FRMPD1: variants seen among roughly 807,000 people sequenced by gnomAD.
FRMPD1 encodes the protein FERM and PDZ domain-containing protein 1.
A neutral mutation model predicts 117.8 loss-of-function variants in FRMPD1; 76 were observed. The observed-to-expected ratio is 0.65, with a 90% confidence interval of 0.54 to 0.78. FRMPD1 has a LOEUF of 0.78. Among genes scored for constraint, FRMPD1 ranks in the 30% least tolerant of loss-of-function variants. The probability of loss-of-function intolerance (pLI) is 0.00; values close to 1 mark genes in which losing one functional copy is unlikely to be tolerated. For synonymous variants in FRMPD1, 783 were observed against 770.4 expected (o/e 1.02, Z -0.27); for missense variants, 1,786 against 1,964.5 (o/e 0.91, Z 1.72).
chr9:37,615,972 C>T, the FRMPD1 span, among the ~76,000 whole-genome samples: 2 of 151,822 alleles, frequency 1.3e-5, no homozygotes, highest in Non-Finnish European at 2.9e-5. Flanking sequence ...ACCATCATGC[C>T]CAGCTTGTTT....
At chr9:37,659,873 A>C (rs1383965218) in intron 1 of FRMPD1, among the ~76,000 whole-genome samples, 1 of 150,456 alleles carries the variant, frequency 6.6e-6, no homozygotes, top group Non-Finnish European at 1.5e-5. Context: ...TTTCTCCACA[A>C]AGAGAGTGCG....
At chr9:37,626,182 G>A in the FRMPD1 span, among the ~76,000 whole-genome samples, 1 of 152,160 alleles carries the variant, frequency 6.6e-6, no homozygotes, top group Non-Finnish European at 1.5e-5. Flanking sequence ...ACAGAAATTA[G>A]CTAGGCATGG....
At chr9:37,647,714 G>A (rs532858885), upstream of FRMPD1, among the ~76,000 whole-genome samples, 1 of 152,276 alleles carries the variant, frequency 6.6e-6, no homozygotes, top group East Asian at 1.9e-4. Context: ...TGTAATGGGT[G>A]TGCTGCGTGC....
In FRMPD1 at chr9:37,734,165, A is replaced by C. The variant is rs2118415493; in HGVS notation, c.1218+340A>C. ...AGGTAGCACTGCTTGCTTCAGGGTA[A>C]GTATAGGGAGGAGAAGGGGTTAAGG... On this transcript the variant is annotated intron_variant, in intron 12 of 15. Coordinates refer to ENST00000377765, the MANE Select transcript of FRMPD1 (RefSeq NM_014907.3). Among the ~76,000 whole-genome samples the C allele has an allele frequency of 1.3e-5, 2 of 152,258 alleles. 1 individual carries two copies. The highest frequency in any genetic ancestry group is 4.1e-4 in the South Asian group (2 of 4,828).
At chr9:37,645,235 T>A in the FRMPD1 span, among the ~76,000 whole-genome samples, 1 of 152,218 alleles carries the variant, frequency 6.6e-6, no homozygotes, top group African/African-American at 2.4e-5. Flanking sequence ...AGGAATGAGA[T>A]AAAAATTCAT....
At chr9:37,655,486 T>C (rs1271953184) in intron 1 of FRMPD1, among the ~76,000 whole-genome samples, 1 of 145,076 alleles carries the variant, frequency 6.9e-6, no homozygotes, top group Non-Finnish European at 1.5e-5. Flanking sequence ...CTCTGCACCA[T>C]GTCCCCACTC....
chr9:37,647,353 CA>C (rs894636750), upstream of FRMPD1, among the ~76,000 whole-genome samples: 19 of 150,138 alleles, frequency 1.3e-4, no homozygotes, highest in Admixed American at 9.3e-4. Context: ...ACTAAAAATA[CA>C]AAAAAAAATT....
At chr9:37,663,412 A>G (rs1475305266) in intron 1 of FRMPD1, among the ~76,000 whole-genome samples, 1 of 152,190 alleles carries the variant, frequency 6.6e-6, no homozygotes, top group Non-Finnish European at 1.5e-5. Context: ...TGAACTCAGC[A>G]TGGGAATTAG....
intron 1 of FRMPD1, among the ~76,000 whole-genome samples, chr9:37,666,995 A>G (rs1821179976): frequency 6.6e-6 from 1 of 150,564 alleles, no homozygotes; most frequent in African/African-American, 2.5e-5. Flanking sequence ...ATAGCTGTGT[A>G]TTAAAAAGTA....
the FRMPD1 span, among the ~76,000 whole-genome samples, chr9:37,610,456 G>A: frequency 3.4e-5 from 5 of 145,828 alleles, no homozygotes; most frequent in East Asian, 1.9e-4. Flanking sequence ...TTTTAGAGAC[G>A]GAGTCCCACT....
At chr9:37,646,775 T>C (rs1263534726), upstream of FRMPD1, among the ~76,000 whole-genome samples, 2 of 152,070 alleles carry the variant, frequency 1.3e-5, no homozygotes, top group Admixed American at 6.6e-5. Flanking sequence ...TTGGGAACAA[T>C]AGATATGAGG....
chr9:37,707,912 C>T lies in FRMPD1; in HGVS notation c.259+339C>T, dbSNP rs73445152. Among the ~76,000 whole-genome samples, 997 of 152,358 alleles carry T rather than the reference C, an allele frequency of 6.5e-3. 11 individuals carry two copies. Among genetic ancestry groups the T allele is most frequent in the African/African-American group, 0.023 (953 of 41,582 alleles). On this transcript the variant is annotated intron_variant, in intron 3 of 15. Coordinates refer to ENST00000377765, the MANE Select transcript of FRMPD1 (RefSeq NM_014907.3). ...ACACGCTCCTAGCTGGGGATACTTT[C>T]TGGTCAGACAGTAATAGAAACCATT...
At chr9:37,667,332 CT>C (rs1165710793) in intron 1 of FRMPD1, among the ~76,000 whole-genome samples, 1 of 150,690 alleles carries the variant, frequency 6.6e-6, no homozygotes, top group Non-Finnish European at 1.5e-5. Context: ...TCCCAAAGTG[CT>C]GGGGTTACAG....
chr9:37,732,869 T>A (rs77326708), intron 10 of FRMPD1, among the ~76,000 whole-genome samples: 1 of 152,228 alleles, frequency 6.6e-6, no homozygotes, highest in East Asian at 1.9e-4. Flanking sequence ...CTTAGAATTG[T>A]TCTGGACAGC....
the FRMPD1 span, among the ~76,000 whole-genome samples, chr9:37,638,060 TTTCC>T: frequency 7.1e-6 from 1 of 139,980 alleles, no homozygotes; most frequent in Non-Finnish European, 1.6e-5. Context: ...CCTTTCTTTC[TTTCC>T]TTCTTTTCTT....
chr9:37,716,258 C>G lies in FRMPD1; in HGVS notation c.409-2811C>G, dbSNP rs151256987. On this transcript the variant is annotated intron_variant, in intron 5 of 15. Transcript: ENST00000377765. ...GGTTTTCCAAGGGATAGCTTCCAAG[C>G]CACGTCCCTTCAGTTCCATGCTTGT... is the stretch of plus-strand genomic sequence containing the variant. Among the ~76,000 whole-genome samples, 556 of 152,340 alleles carry G rather than the reference C, an allele frequency of 3.6e-3. 5 individuals carry two copies. Among genetic ancestry groups the G allele is most frequent in the African/African-American group, 0.013 (536 of 41,580 alleles).
chr9:37,698,682 C>T (rs111561175), intron 2 of FRMPD1, among the ~76,000 whole-genome samples: 20,370 of 151,002 alleles, frequency 0.13, 1,598 homozygotes, highest in Middle Eastern at 0.19. Flanking sequence ...CTGCCTCAGT[C>T]GCCCGCGTAG....
At chr9:37,633,499 A>G in the FRMPD1 span, among the ~76,000 whole-genome samples, 1 of 152,330 alleles carries the variant, frequency 6.6e-6, no homozygotes, top group East Asian at 1.9e-4. Flanking sequence ...TATTTGTATC[A>G]AAGTAATACT....
chr9:37,644,931 G>A, the FRMPD1 span, among the ~76,000 whole-genome samples: 11 of 152,226 alleles, frequency 7.2e-5, no homozygotes, highest in Middle Eastern at 3.4e-3. Context: ...TGGGGAGCAC[G>A]GTGGTAGTGG....
Sources: allele counts gnomAD v4.1 joint callset (sites outside exome capture counted in the v4.1 genomes callset), GRCh38; gene constraint gnomAD v4.1.1; transcripts MANE v1.5; gene names NCBI Gene and HGNC (gene_info 2026-07-23, HGNC 2026-07-21).